The following MYRIP variants were observed in gnomAD, a reference collection of about 807,000 sequenced individuals.
MYRIP encodes the protein myosin VIIA and Rab interacting protein, also known as rab effector MyRIP.
MYRIP carries 49 observed loss-of-function variants against 98.0 expected under a neutral mutation model. That is an observed-to-expected ratio of 0.50 (90% CI 0.40 to 0.63). MYRIP has a LOEUF of 0.63. Among genes scored for constraint, MYRIP ranks in the 30% least tolerant of loss-of-function variants. The probability of loss-of-function intolerance (pLI) is 0.00; values close to 1 mark genes in which losing one functional copy is unlikely to be tolerated. For synonymous variants in MYRIP, 404 were observed against 409.5 expected, an observed-to-expected ratio of 0.99 and a Z score of 0.16; for missense variants, 1,004 against 1,058.2, an observed-to-expected ratio of 0.95 and a Z score of 0.71.
intron 3 of MYRIP, among the ~76,000 whole-genome samples, chr3:40,134,604 C>G (rs1174225699): frequency 6.6e-6 from 1 of 152,236 alleles, no homozygotes; most frequent in Non-Finnish European, 1.5e-5. Context: ...GTCCCTGACC[C>G]CCGAGTAGCC....
At chr3:40,149,441 T>C (rs1184655279) in intron 3 of MYRIP, among the ~76,000 whole-genome samples, 2 of 152,228 alleles carry the variant, frequency 1.3e-5, no homozygotes, top group East Asian at 3.9e-4. Context: ...GATTTGCAAT[T>C]GGGACAAATA....
chr3:40,214,831 G>T (rs900411552), intron 11 of MYRIP, among the ~76,000 whole-genome samples: 1 of 152,064 alleles, frequency 6.6e-6, no homozygotes, highest in Non-Finnish European at 1.5e-5. Flanking sequence ...GGACGCAGCT[G>T]CTGCCCTCCT....
chr3:39,836,228 T>C (rs1251208435), intron 1 of MYRIP, among the ~76,000 whole-genome samples: 1 of 152,236 alleles, frequency 6.6e-6, no homozygotes, highest in Non-Finnish European at 1.5e-5. Context: ...AAAGTGTTCC[T>C]CTTTCTCCAC....
At chr3:40,102,811 T>G (rs1217583075) in intron 3 of MYRIP, among the ~76,000 whole-genome samples, 2 of 151,956 alleles carry the variant, frequency 1.3e-5, no homozygotes, top group African/African-American at 4.8e-5. Flanking sequence ...TTGACCCACA[T>G]TAAGAAGTTC....
intron 11 of MYRIP, among the ~76,000 whole-genome samples, chr3:40,218,598 C>T (rs199799164): frequency 0.019 from 275 of 14,216 alleles, 3 homozygotes; most frequent in African/African-American, 0.029. Context: ...CACACACACA[C>T]ATATATATAT....
intron 2 of MYRIP, among the ~76,000 whole-genome samples, chr3:39,921,349 C>T (rs1237279765): frequency 2.0e-5 from 3 of 152,164 alleles, no homozygotes; most frequent in African/African-American, 7.2e-5. Context: ...TTTTGTCTTC[C>T]AGTGTACGTA....
At chr3:40,043,941 A>G (rs562183657) in intron 2 of MYRIP, 109 bp from the exon 3 acceptor site, 21 of 919,122 alleles carry the variant, frequency 2.3e-5, no homozygotes, top group African/African-American at 2.1e-4. Context: ...AAGGTCCTAC[A>G]TGGTAGCTTG....
At chr3:39,994,675 G>C (rs1946289258) in intron 2 of MYRIP, among the ~76,000 whole-genome samples, 1 of 152,230 alleles carries the variant, frequency 6.6e-6, no homozygotes. Context: ...CTGTCCGACA[G>C]CTTTGAAGAG....
intron 2 of MYRIP, among the ~76,000 whole-genome samples, chr3:40,015,748 C>T (rs60309124): frequency 0.069 from 10,481 of 152,248 alleles, 528 homozygotes; most frequent in East Asian, 0.18. Context: ...GGCAATTGAT[C>T]TTATTTTGTA....
intron 1 of MYRIP, among the ~76,000 whole-genome samples, chr3:39,841,402 C>T (rs1240085205): frequency 2.0e-5 from 3 of 152,100 alleles, no homozygotes; most frequent in African/African-American, 7.2e-5. Flanking sequence ...TTAGAACATG[C>T]TCCTTTAGCT....
chr3:40,093,113 G>C (rs1559397505), intron 3 of MYRIP, among the ~76,000 whole-genome samples: 1 of 152,156 alleles, frequency 6.6e-6, no homozygotes, highest in Non-Finnish European at 1.5e-5. Context: ...AACAAGCATA[G>C]GGTTTTATTA....
chr3:40,217,242 T>C (rs961165212), intron 11 of MYRIP, among the ~76,000 whole-genome samples: 1 of 152,088 alleles, frequency 6.6e-6, no homozygotes, highest in Non-Finnish European at 1.5e-5. Flanking sequence ...ATGGAAAGCA[T>C]CCCAGTTCTG....
chr3:40,250,718 T>C (rs938125312), intron 15 of MYRIP, among the ~76,000 whole-genome samples: 1 of 152,202 alleles, frequency 6.6e-6, no homozygotes, highest in Non-Finnish European at 1.5e-5. Flanking sequence ...GAGAAGAAGA[T>C]AAATGATTCA....
At chr3:40,230,830 T>G (rs571012822) in intron 11 of MYRIP, among the ~76,000 whole-genome samples, 4 of 152,080 alleles carry the variant, frequency 2.6e-5, no homozygotes, top group African/African-American at 9.6e-5. Context: ...TCTTTTTTTT[T>G]TTTTTGTTTT....
At chr3:40,027,470 G>C (rs1476290453) in intron 2 of MYRIP, among the ~76,000 whole-genome samples, 1 of 151,914 alleles carries the variant, frequency 6.6e-6, no homozygotes, top group Admixed American at 6.6e-5. Context: ...TACTTGTTCT[G>C]TCTGGGATGC....
Position 39,900,923 on chromosome 3 carries a change from T to C in MYRIP, c.107T>C (p.Leu36Pro). Residue 36 changes from leucine (L) to proline (P), a missense_variant, in exon 2 of 17, where the codon CTA (leucine) becomes CCA (proline). By Grantham distance (98) the Leu-to-Pro change is moderately conservative. This residue lies in a region of MYRIP where 880 missense variants were observed against 907.7 expected (regional missense o/e 0.97). Transcript: ENST00000302541. ...FNLRKKEEER[L>P]SELKQKLDEE... is the part of the protein sequence containing the mutation. ...CTTCGCAAAAAAGAAGAAGAACGAC[T>C]AAGGTGAGATGCCTGTTTTGCTCAG... 1 of 1,609,828 alleles carries C rather than the reference T, an allele frequency of 6.2e-7. No individual in the cohort carries two copies. Among genetic ancestry groups the C allele is most frequent in the Non-Finnish European group, 8.5e-7 (1 of 1,177,814 alleles).
At chr3:39,876,674 C>G (rs1433540697) in intron 1 of MYRIP, among the ~76,000 whole-genome samples, 3 of 152,036 alleles carry the variant, frequency 2.0e-5, no homozygotes, top group African/African-American at 7.3e-5. Context: ...TTGGCCCCCA[C>G]TCTCTTCTGG....
At chr3:40,115,741 A>G (rs114238842) in intron 3 of MYRIP, among the ~76,000 whole-genome samples, 2,512 of 152,292 alleles carry the variant, frequency 0.016, 73 homozygotes, top group African/African-American at 0.054. Flanking sequence ...AGGTCACTCA[A>G]AAAGCTAGAC....
At chr3:40,235,816 G>A (rs1217010823) in intron 12 of MYRIP, among the ~76,000 whole-genome samples, 1 of 152,186 alleles carries the variant, frequency 6.6e-6, no homozygotes, top group Non-Finnish European at 1.5e-5. Flanking sequence ...GTCTGGAAAG[G>A]AGGAAGGGGA....
Sources: gnomAD v4.1 joint callset for allele counts (sites outside exome capture counted in the v4.1 genomes callset) on GRCh38, gnomAD v4.1.1 for gene constraint, gnomAD v4.1.1 regional missense constraint, MANE v1.5 for transcripts, NCBI Gene and HGNC (gene_info 2026-07-23, HGNC 2026-07-21) for gene names.